EPHB1: variants seen among roughly 807,000 people sequenced by gnomAD.
The protein encoded by EPHB1 is ephrin type-B receptor 1.
In EPHB1, 30 loss-of-function variants were observed where a neutral mutation model predicts 94.4. The observed-to-expected ratio is 0.32, with a 90% CI of 0.24 to 0.43. The LOEUF (loss-of-function observed/expected upper bound fraction) is 0.43. Among genes scored for constraint, EPHB1 ranks in the 20% least tolerant of loss-of-function variants. The pLI, the probability that EPHB1 is intolerant of heterozygous loss-of-function variation, is 1.00. For missense variants in EPHB1, 1,055 were observed against 1,308.3 expected (o/e 0.81, Z 2.99); for synonymous variants, 522 against 489.1 (o/e 1.07, Z -0.89).
chr3:135,172,213 G>T (rs1203000611), intron 9 of EPHB1, among the ~76,000 whole-genome samples: 1 of 152,210 alleles, frequency 6.6e-6, no homozygotes, highest in Non-Finnish European at 1.5e-5. Flanking sequence ...GTTCAGTGCT[G>T]CAGACACCCA....
chr3:135,114,537 TAAAAAAAAAAAAAA>T (rs56100882), intron 4 of EPHB1, among the ~76,000 whole-genome samples: 2 of 37,218 alleles, frequency 5.4e-5, no homozygotes, highest in African/African-American at 1.1e-4. Flanking sequence ...CTGTCTCTAC[TAAAAAAAAAAAAAA>T]AAAAAAAAAA....
At chr3:134,968,863 A>C (rs1360865864) in intron 3 of EPHB1, among the ~76,000 whole-genome samples, 1 of 152,210 alleles carries the variant, frequency 6.6e-6, no homozygotes, top group Non-Finnish European at 1.5e-5. Flanking sequence ...TGCGAGATTC[A>C]TCTCAATTGT....
At chr3:134,960,128 T>G (rs962698881) in intron 3 of EPHB1, among the ~76,000 whole-genome samples, 2 of 152,012 alleles carry the variant, frequency 1.3e-5, no homozygotes, top group Non-Finnish European at 2.9e-5. Context: ...CTGAGAGATC[T>G]GAGTTCTGTT....
rs1463483230 is a variant in EPHB1, at chr3:135,259,869, G to A, written c.*749G>A. 4.4e-6 allele frequency: 1 copy of A among 226,162 alleles called. No individual in the cohort carries two copies. The highest frequency in any genetic ancestry group is 8.8e-6 in the Non-Finnish European group (1 of 113,300). 14.0% of individuals were successfully genotyped at this position (226,162 alleles called of 1,614,324 possible). On this transcript the variant is annotated 3_prime_UTR_variant, in exon 16 of 16. Transcript: ENST00000398015. ...CAAAAGCACACATATGTATGTCTGT[G>A]TTATAAAATGACTGTGCTTGTTCGT...
At chr3:134,824,611 G>T (rs1487329649) in intron 1 of EPHB1, among the ~76,000 whole-genome samples, 2 of 152,164 alleles carry the variant, frequency 1.3e-5, no homozygotes, top group East Asian at 1.9e-4. Context: ...GTATGGATTG[G>T]ACTTGATGAC....
intron 4 of EPHB1, among the ~76,000 whole-genome samples, chr3:135,120,616 G>A (rs1051366386): frequency 6.6e-6 from 1 of 152,134 alleles, no homozygotes; most frequent in Admixed American, 6.5e-5. Flanking sequence ...ATAACACCCT[G>A]GAAAGTATAC....
At chr3:134,924,049 T>G (rs2038741517) in intron 1 of EPHB1, among the ~76,000 whole-genome samples, 1 of 152,160 alleles carries the variant, frequency 6.6e-6, no homozygotes, top group African/African-American at 2.4e-5. Context: ...TTGTGTAAAT[T>G]TTTAAAAGTG....
chr3:135,181,348 C>A (rs1053067863), intron 10 of EPHB1, among the ~76,000 whole-genome samples: 3 of 152,208 alleles, frequency 2.0e-5, no homozygotes, highest in African/African-American at 7.2e-5. Flanking sequence ...TTGACTTTTA[C>A]ATTAAGAATG....
chr3:135,241,212 C>T lies in EPHB1; in HGVS notation c.2411C>T (p.Ala804Val). The change falls in exon 13 of 16, where the codon GCC becomes GTC. Residue 804 changes from alanine (A) to valine (V), a missense_variant. Physicochemically the swap from Ala to Val is moderately conservative, Grantham distance 64. Transcript: ENST00000398015. ...EAIAYRKFTS[A>V]SDVWSYGIVM... ...ATCGCCTACCGCAAGTTCACTTCAG[C>T]CAGCGACGTTTGGAGCTATGGGATC... 6.2e-7 allele frequency: 1 copy of T among 1,614,174 alleles called. No homozygotes were observed. Among genetic ancestry groups the T allele is most frequent in the Non-Finnish European group, 8.5e-7 (1 of 1,180,032 alleles).
chr3:135,220,038 TTC>T (rs1943240051), intron 12 of EPHB1, among the ~76,000 whole-genome samples: 1 of 152,202 alleles, frequency 6.6e-6, no homozygotes, highest in Non-Finnish European at 1.5e-5. Context: ...AAGAGTTTTT[TTC>T]TAAAGACCCT....
intron 1 of EPHB1, among the ~76,000 whole-genome samples, chr3:134,898,989 G>A (rs2038144070): frequency 6.6e-6 from 1 of 152,132 alleles, no homozygotes; most frequent in Non-Finnish European, 1.5e-5. Flanking sequence ...GGCACTGTCG[G>A]GGAGGCATGG....
At chr3:134,917,858 G>A (rs1304516172) in intron 1 of EPHB1, among the ~76,000 whole-genome samples, 3 of 152,198 alleles carry the variant, frequency 2.0e-5, no homozygotes, top group African/African-American at 7.2e-5. Context: ...ATAAATAAAT[G>A]TGAGTCAAAT....
chr3:135,032,354 TTTTA>T (rs1936505277), intron 3 of EPHB1, among the ~76,000 whole-genome samples: 1 of 148,888 alleles, frequency 6.7e-6, no homozygotes, highest in African/African-American at 2.5e-5. Flanking sequence ...TTATATTAGC[TTTTA>T]TTTTTATTTC....
chr3:134,927,599 C>G (rs1426442628), intron 2 of EPHB1, among the ~76,000 whole-genome samples: 1 of 152,234 alleles, frequency 6.6e-6, no homozygotes, highest in Non-Finnish European at 1.5e-5. Context: ...TGTGTTTTTA[C>G]AAGGCCCCAA....
At chr3:135,017,029 C>A (rs1935820479) in intron 3 of EPHB1, among the ~76,000 whole-genome samples, 1 of 152,134 alleles carries the variant, frequency 6.6e-6, no homozygotes, top group Non-Finnish European at 1.5e-5. Flanking sequence ...CTTAGGCAGG[C>A]TGGGGACATA....
At chr3:135,191,847 C>G (rs1183282443) in intron 10 of EPHB1, among the ~76,000 whole-genome samples, 1 of 152,232 alleles carries the variant, frequency 6.6e-6, no homozygotes, top group African/African-American at 2.4e-5. Flanking sequence ...CCCCGGCTTT[C>G]CTGCAGAGGC....
At chr3:134,936,570 C>T (rs917246523) in intron 2 of EPHB1, among the ~76,000 whole-genome samples, 1 of 148,974 alleles carries the variant, frequency 6.7e-6, no homozygotes, top group African/African-American at 2.5e-5. Context: ...GGGCTGAACG[C>T]GCCCCCCCCT....
chr3:135,258,892 A>C (rs1478789721), intron 15 of EPHB1, 120 bp from the exon 16 acceptor site: 1 of 865,906 alleles, frequency 1.2e-6, no homozygotes, highest in Non-Finnish European at 1.8e-6. Context: ...GGTAAACTTA[A>C]GCTAGTTGGA....
chr3:134,943,726 T>G (rs1028450967), intron 2 of EPHB1, among the ~76,000 whole-genome samples: 1 of 152,260 alleles, frequency 6.6e-6, no homozygotes. Flanking sequence ...TTGCCTCAAC[T>G]TAGGCATCAT....
Sources: gnomAD v4.1 joint callset for allele counts (sites outside exome capture counted in the v4.1 genomes callset) on GRCh38, gnomAD v4.1.1 for gene constraint, MANE v1.5 for transcripts, NCBI Gene and HGNC (gene_info 2026-07-23, HGNC 2026-07-21) for gene names.